ABCC2: variants seen among roughly 807,000 people sequenced by gnomAD.
ABCC2 encodes ATP-binding cassette sub-family C member 2.
ABCC2 carries 157 observed loss-of-function variants against 173.4 expected under a neutral mutation model. The observed-to-expected ratio is 0.91, with a 90% CI of 0.80 to 1.03. The LOEUF is 1.03. Ranked by LOEUF, ABCC2 falls within the 50% of genes least tolerant of loss-of-function variation. The pLI is 0.00. For missense variants in ABCC2, 1,822 were observed against 1,852.3 expected, an observed-to-expected ratio of 0.98 and a Z score of 0.30; for synonymous variants, 657 against 693.5, an observed-to-expected ratio of 0.95 and a Z score of 0.83.
intron 19 of ABCC2, among the ~76,000 whole-genome samples, chr10:99,827,046 G>A (rs1422834566): frequency 2.0e-5 from 3 of 150,774 alleles, no homozygotes; most frequent in Non-Finnish European, 3.0e-5. Context: ...CTGTCTACTA[G>A]GTGGTGCCGT....
intron 16 of ABCC2, among the ~76,000 whole-genome samples, chr10:99,813,709 C>CAAAAAAAAA (rs60992748): frequency 7.4e-6 from 1 of 135,476 alleles, no homozygotes. Context: ...GACTCTGTCT[C>CAAAAAAAAA]AAAAAAAAAA....
At position 99,846,940 on chromosome 10, in the gene ABCC2, C is replaced by T. The variant is rs760750164; in HGVS notation, c.4147-21C>T. 8.7e-6 allele frequency: 14 copies of T among 1,613,870 alleles called. 1 individual carries two copies. In the South Asian group the frequency reaches 1.1e-4, roughly 13 times the overall value. On this transcript the variant is annotated intron_variant, in intron 29 of 31. Coordinates refer to ENST00000647814, the MANE Select transcript of ABCC2 (RefSeq NM_000392.5). ...TTTTCTGGCATGAGCCCCAACAGCC[C>T]CCTTGTCCTTTCACTTGCAGGACCC...
chr10:99,831,075 C>T (rs2038730269), intron 21 of ABCC2, among the ~76,000 whole-genome samples: 2 of 152,210 alleles, frequency 1.3e-5, no homozygotes, highest in Non-Finnish European at 2.9e-5. Flanking sequence ...CCTCATCCTA[C>T]ACTTCATGAG....
chr10:99,833,206 T>C (rs2038768069), intron 23 of ABCC2, among the ~76,000 whole-genome samples: 1 of 152,220 alleles, frequency 6.6e-6, no homozygotes, highest in Admixed American at 6.5e-5. Context: ...ATGATGTCAC[T>C]AGAGACAACT....
chr10:99,792,626 C>G (rs1479031053), intron 3 of ABCC2, among the ~76,000 whole-genome samples: 1 of 152,142 alleles, frequency 6.6e-6, no homozygotes, highest in Non-Finnish European at 1.5e-5. Flanking sequence ...ATCTTGCCAT[C>G]TAAGGGTCAC....
At chr10:99,817,228 C>A in intron 16 of ABCC2, 80 bp from the exon 17 acceptor site, 2 of 1,346,308 alleles carry the variant, frequency 1.5e-6, no homozygotes, top group Non-Finnish European at 2.1e-6. Context: ...TTTGTTTCTT[C>A]CCCTCTCCAG....
At chr10:99,802,216 C>T (rs112680816) in intron 9 of ABCC2, among the ~76,000 whole-genome samples, 1,684 of 152,142 alleles carry the variant, frequency 0.011, 20 homozygotes, top group Non-Finnish European at 0.015. Flanking sequence ...AAATAAATAT[C>T]GCTATTAGAA....
chr10:99,797,706 G>C (rs1223174683), intron 7 of ABCC2: 2 of 258,528 alleles, frequency 7.7e-6, no homozygotes, highest in Admixed American at 4.9e-5. Context: ...GGCACTAAAA[G>C]ATTGCTCATC....
chr10:99,819,460 C>T (rs1254382258), intron 19 of ABCC2, among the ~76,000 whole-genome samples, 191 bp downstream of exon 19: 1 of 152,158 alleles, frequency 6.6e-6, no homozygotes, highest in African/African-American at 2.4e-5. Context: ...ATGCCTGGGC[C>T]AAACTGGTGA....
intron 30 of ABCC2, among the ~76,000 whole-genome samples, chr10:99,849,951 A>G (rs768665914): frequency 1.3e-5 from 2 of 152,230 alleles, no homozygotes; most frequent in African/African-American, 4.8e-5. Flanking sequence ...AATTAAAGCT[A>G]TTTGCATTTT....
chr10:99,792,784 A>G (rs2037830964), intron 3 of ABCC2, among the ~76,000 whole-genome samples: 1 of 152,196 alleles, frequency 6.6e-6, no homozygotes, highest in Non-Finnish European at 1.5e-5. Flanking sequence ...TCTTGCAGGC[A>G]TTTTTTCAGG....
rs755625090 is a variant in ABCC2, at chr10:99,836,324, T to C, written c.3614+34T>C. 3.7e-6 allele frequency: 6 copies of C among 1,608,110 alleles called. No individual in the cohort carries two copies. The East Asian group carries it at 6.7e-5, about 18-fold the overall frequency. The stretch of plus-strand genomic sequence containing the variant: ...TCCCCTGGGTATTTACCCATGTGTG[T>C]ACTTTGGGGTTCTATATGTTTGATA... On this transcript the variant is annotated intron_variant, in intron 25 of 31. Transcript: ENST00000647814.
rs924635128 is a variant in ABCC2 at position 99,834,240 on chromosome 10, A to C, written c.3259-140A>C. ...TGGGGCAAGCAATGCAGCCTATTGC[A>C]AATGAACACAATGAAATGATTACAT... On this transcript the variant is annotated intron_variant, in intron 23 of 31. Transcript: ENST00000647814. 8 of 911,056 alleles carry C rather than the reference A, an allele frequency of 8.8e-6. No homozygotes were observed. In the African/African-American group the frequency reaches 1.3e-4, roughly 15 times the overall value. 56.4% of individuals were successfully genotyped at this position (911,056 alleles called of 1,614,324 possible).
intron 31 of ABCC2, among the ~76,000 whole-genome samples, chr10:99,851,223 C>T (rs2133159355): frequency 6.6e-6 from 1 of 152,314 alleles, no homozygotes; most frequent in East Asian, 1.9e-4. Context: ...AGATGATAGG[C>T]ACCCTTTGTA....
At position 99,831,981 on chromosome 10, in the gene ABCC2, A is replaced by G. The variant is rs1172029710; in HGVS notation, c.3108A>G (p.Ile1036Met). ...VYGALGLAQG[I>M]FVFIAHFWSA... is the part of the protein sequence containing the mutation. Reference sequence around the variant, plus strand: ...CAAAACTGCTTCCATCTCTAGGTATATTTGTGTTCATAGCACATTTCTGGA... The same window carrying G: ...CAAAACTGCTTCCATCTCTAGGTATGTTTGTGTTCATAGCACATTTCTGGA... The change falls in exon 23 of 32, where the codon ATA becomes ATG. Residue 1036 changes from isoleucine to methionine, a missense_variant. Physicochemically the swap from Ile to Met is conservative, Grantham distance 10. Transcript: ENST00000647814. 6.2e-7 allele frequency: 1 copy of G among 1,614,064 alleles called. No homozygotes were observed. Among genetic ancestry groups the G allele is most frequent in the Non-Finnish European group, 8.5e-7 (1 of 1,180,036 alleles).
At chr10:99,791,727 C>T (rs564082627) in intron 2 of ABCC2, among the ~76,000 whole-genome samples, 49 of 152,302 alleles carry the variant, frequency 3.2e-4, no homozygotes, top group African/African-American at 9.6e-4. Flanking sequence ...TGGCTGTTGG[C>T]GGAAGGTCTC....
chr10:99,791,912 C>T (rs1457344854), intron 2 of ABCC2, among the ~76,000 whole-genome samples: 2 of 152,168 alleles, frequency 1.3e-5, no homozygotes, highest in African/African-American at 4.8e-5. Context: ...ATTTTCTATT[C>T]ACCAGAAGTA....
At chr10:99,846,144 T>C (rs768634638) in intron 29 of ABCC2, among the ~76,000 whole-genome samples, 70 of 152,196 alleles carry the variant, frequency 4.6e-4, no homozygotes, top group Non-Finnish European at 9.3e-4. Flanking sequence ...CCCCATTTGC[T>C]ATGGTTAAAA....
intron 12 of ABCC2, 39 bp downstream of exon 12, chr10:99,807,560 G>C (rs559457716): frequency 6.2e-7 from 1 of 1,613,638 alleles, no homozygotes; most frequent in South Asian, 1.1e-5. Flanking sequence ...GTATTCACCT[G>C]GACCTGCATC....
Sources: allele counts gnomAD v4.1 joint callset (sites outside exome capture counted in the v4.1 genomes callset), GRCh38; gene constraint gnomAD v4.1.1; transcripts MANE v1.5; gene names NCBI Gene and HGNC (gene_info 2026-07-23, HGNC 2026-07-21).